The following TBC1D30 variants were observed in gnomAD, a reference collection of about 807,000 sequenced individuals.
The protein encoded by TBC1D30 is TBC1 domain family, member 30.
Under a neutral mutation model 63.2 loss-of-function variants are expected in TBC1D30, and 31 were observed. The observed-to-expected ratio is 0.49, with a 90% CI of 0.37 to 0.66. The LOEUF (loss-of-function observed/expected upper bound fraction) is 0.66, where lower values mean the gene tolerates loss of function less well. Ranked by LOEUF, TBC1D30 falls within the 30% of genes least tolerant of loss-of-function variation. The probability of loss-of-function intolerance (pLI) is 0.00; values close to 1 mark genes in which losing one functional copy is unlikely to be tolerated. For synonymous variants in TBC1D30, 307 were observed against 361.5 expected, an observed-to-expected ratio of 0.85 and a Z score of 1.71; for missense variants, 810 against 953.6, an observed-to-expected ratio of 0.85 and a Z score of 1.98.
chr12:64,878,547 A>G lies in TBC1D30; in HGVS notation c.*2759A>G, dbSNP rs1165609621. 2 of 456,566 alleles carry G rather than the reference A, an allele frequency of 4.4e-6. No individual in the cohort carries two copies. Among genetic ancestry groups the G allele is most frequent in the Non-Finnish European group, 8.8e-6 (2 of 226,968 alleles). The allele number at this position is 456,566 out of a possible 1,614,324, so 28.3% of individuals were successfully genotyped here. Reference sequence around the variant, plus strand: ...AGCCTGTGGACTGCAGCTGTTTGGGACATTGTATTCCTTTGTTTGTCTCTT... The same window carrying G: ...AGCCTGTGGACTGCAGCTGTTTGGGGCATTGTATTCCTTTGTTTGTCTCTT... On this transcript the variant is annotated 3_prime_UTR_variant, in exon 12 of 12. Transcript: ENST00000539867.
At position 64,877,550 on chromosome 12, in the gene TBC1D30, AGT is replaced by A. The variant is rs1243843035; in HGVS notation, c.*1763_*1764del. On this transcript the variant is annotated 3_prime_UTR_variant, in exon 12 of 12. Transcript: ENST00000539867. The stretch of plus-strand genomic sequence containing the variant: ...CTGAAGATGGAAAATATGACTAATA[AGT>A]TATTGCAGTTTTGGTCTTGAATTCT... 2.0e-5 allele frequency: 3 copies of A among 152,188 alleles called. No homozygotes were observed. Among genetic ancestry groups the A allele is most frequent in the African/African-American group, 7.2e-5 (3 of 41,428 alleles). 9.4% of individuals were successfully genotyped at this position (152,188 alleles called of 1,614,324 possible). A position where few individuals can be genotyped will look rare whatever the true frequency, so the allele number is the denominator to read the frequency against.
intron 5 of TBC1D30, 72 bp from the exon 6 acceptor site, chr12:64,836,418 A>G: frequency 8.0e-7 from 1 of 1,243,214 alleles, no homozygotes; most frequent in Non-Finnish European, 1.1e-6. Flanking sequence ...TTGAATACTT[A>G]TTTTCTCTTT....
intron 2 of TBC1D30, among the ~76,000 whole-genome samples, chr12:64,813,194 A>C (rs1210195453): frequency 6.6e-6 from 1 of 152,184 alleles, no homozygotes; most frequent in Non-Finnish European, 1.5e-5. Context: ...GTTTGAGACT[A>C]GCCTGGCCAA....
intron 8 of TBC1D30, among the ~76,000 whole-genome samples, chr12:64,846,960 A>G (rs1345504066): frequency 6.6e-6 from 1 of 150,998 alleles, no homozygotes; most frequent in Non-Finnish European, 1.5e-5. Context: ...GCTATTATAA[A>G]TGGGATTTTA....
At position 64,832,297 on chromosome 12, in the gene TBC1D30, C is replaced by T; in HGVS notation, c.587C>T (p.Ala196Val). Reference protein sequence around the residue: ...LEVMEGNEGDALKIMIYLIDK... With the variant: ...LEVMEGNEGDVLKIMIYLIDK... ...GTGATGGAAGGCAATGAAGGGGATG[C>T]CCTGAAAGTGAGTAGCAGGCTCTGA... Residue 196 changes from alanine (A) to valine (V), a missense_variant, in exon 5 of 12, where the codon GCC becomes GTC. Physicochemically the swap from Ala to Val is moderately conservative, Grantham distance 64 (BLOSUM62 0). Around this residue, in one of 4 missense-constraint regions of TBC1D30, gnomAD observed 272 missense variants for 335.9 expected, o/e 0.81. Coordinates refer to ENST00000539867, the MANE Select transcript of TBC1D30 (RefSeq NM_015279.2). The T allele has an allele frequency of 6.5e-7, 1 of 1,535,488 alleles. No homozygotes were observed. Among genetic ancestry groups the T allele is most frequent in the Non-Finnish European group, 8.7e-7 (1 of 1,146,462 alleles).
chr12:64,803,378 T>A (rs1047894450), intron 2 of TBC1D30, among the ~76,000 whole-genome samples: 1 of 152,182 alleles, frequency 6.6e-6, no homozygotes, highest in African/African-American at 2.4e-5. Context: ...GTTTAAGTTC[T>A]TTGTAGATTC....
chr12:64,858,857 C>T lies in TBC1D30; in HGVS notation c.1039-5811C>T, dbSNP rs144985923. On this transcript the variant is annotated intron_variant, in intron 8 of 11. Transcript: ENST00000539867. ...CTAGAGCACAGTGTGGGGAGTGCGT[C>T]GAGGGAGGTGTGCAGAGGGGCTGGG... Among the ~76,000 whole-genome samples, 1,395 of 152,104 alleles carry T rather than the reference C, an allele frequency of 9.2e-3. 10 individuals are homozygous for T. Among genetic ancestry groups the T allele is most frequent in the Non-Finnish European group, 0.012 (799 of 67,996 alleles).
At chr12:64,868,093 C>A in intron 10 of TBC1D30, 1 of 167,300 alleles carries the variant, frequency 6.0e-6, no homozygotes, top group South Asian at 1.6e-4. Context: ...TTATTGGCTT[C>A]TTTGAAGCCT....
chr12:64,809,839 C>T (rs775551747), intron 2 of TBC1D30, among the ~76,000 whole-genome samples: 2 of 152,146 alleles, frequency 1.3e-5, no homozygotes, highest in East Asian at 3.8e-4. Flanking sequence ...AAGCATCCTT[C>T]CCCCAGATGG....
chr12:64,857,181 C>T (rs1877378729), intron 8 of TBC1D30, among the ~76,000 whole-genome samples: 1 of 152,112 alleles, frequency 6.6e-6, no homozygotes, highest in Admixed American at 6.5e-5. Flanking sequence ...ACCATAGCCA[C>T]CACAGCTGGA....
chr12:64,851,608 C>T (rs1000909058), intron 8 of TBC1D30, among the ~76,000 whole-genome samples: 5 of 152,164 alleles, frequency 3.3e-5, no homozygotes, highest in Non-Finnish European at 5.9e-5. Context: ...GATGCAGTTT[C>T]TTCATAGTGT....
chr12:64,800,339 C>A (rs1872531799), intron 2 of TBC1D30, among the ~76,000 whole-genome samples: 1 of 152,146 alleles, frequency 6.6e-6, no homozygotes. Context: ...TCTCCCTGAG[C>A]ACAAGAGTGA....
intron 1 of TBC1D30, among the ~76,000 whole-genome samples, chr12:64,764,263 A>G (rs1270265833): frequency 1.3e-5 from 2 of 152,148 alleles, no homozygotes; most frequent in African/African-American, 2.4e-5. Flanking sequence ...TTTTTTCCAT[A>G]AATTGTTTTA....
chr12:64,781,329 C>T (rs922749178), intron 1 of TBC1D30: 4 of 1,057,526 alleles, frequency 3.8e-6, no homozygotes, highest in African/African-American at 3.5e-5. Context: ...TTCCTGGAGC[C>T]GGGTTGTCCT....
rs1036450594 is a variant in TBC1D30, at chr12:64,876,559, G to C, written c.*771G>C. 7 of 324,110 alleles carry C rather than the reference G, an allele frequency of 2.2e-5. No homozygotes were observed. Among genetic ancestry groups the C allele is most frequent in the Non-Finnish European group, 4.3e-5 (7 of 163,022 alleles). The allele number at this position is 324,110 out of a possible 1,614,324, so 20.1% of individuals were successfully genotyped here. ...GAGGTTTGTGTTCGCCTCTCAAGGA[G>C]AGCTTTGATCCTCAGTGGTACGGAT... On this transcript the variant is annotated 3_prime_UTR_variant, in exon 12 of 12. Coordinates refer to ENST00000539867, the MANE Select transcript of TBC1D30 (RefSeq NM_015279.2).
upstream of TBC1D30, among the ~76,000 whole-genome samples, chr12:64,777,220 C>T (rs56236606): frequency 0.021 from 3,157 of 152,272 alleles, 119 homozygotes; most frequent in African/African-American, 0.072. Context: ...CCCTCTCCCA[C>T]TGCTCCTATT....
At chr12:64,766,773 C>A (rs1455733086) in intron 1 of TBC1D30, among the ~76,000 whole-genome samples, 1 of 152,078 alleles carries the variant, frequency 6.6e-6, no homozygotes, top group Non-Finnish European at 1.5e-5. Context: ...GGAATATTCT[C>A]CAGGATAGAC....
In TBC1D30 at chr12:64,836,546, C is replaced by G. The variant is rs1226234928; in HGVS notation, c.651C>G (p.Leu217=). The stretch of plus-strand genomic sequence containing the variant: ...CCGAAAGCTATTTCGTCAATAATCT[C>G]CGGGCATTGTCTGTGGATATGGCTG... ...VLPESYFVNN[L]RALSVDMAVF... is the part of the protein sequence containing the mutation. Residue 217 remains leucine, a synonymous_variant, in exon 6 of 12, where the codon CTC becomes CTG. Transcript: ENST00000539867. The G allele has an allele frequency of 6.5e-7, 1 of 1,535,778 alleles. No individual in the cohort carries two copies. The highest frequency in any genetic ancestry group is 1.4e-5 in the African/African-American group (1 of 72,972).
intron 6 of TBC1D30, among the ~76,000 whole-genome samples, chr12:64,837,083 A>T (rs1205969122): frequency 6.6e-6 from 1 of 152,178 alleles, no homozygotes; most frequent in Non-Finnish European, 1.5e-5. Context: ...GCTGCTATCT[A>T]TTGGGCATCA....
Sources: allele counts gnomAD v4.1 joint callset (sites outside exome capture counted in the v4.1 genomes callset), GRCh38; gene constraint gnomAD v4.1.1; regional missense constraint gnomAD v4.1.1; transcripts MANE v1.5; gene names NCBI Gene and HGNC (gene_info 2026-07-23, HGNC 2026-07-21).